Variants in L3MBTL4 observed in about 807,000 individuals in gnomAD.
The protein encoded by L3MBTL4 is lethal(3)malignant brain tumor-like protein 4.
In L3MBTL4, 70 loss-of-function variants were observed where a neutral mutation model predicts 84.5. The observed-to-expected ratio is 0.83, with a 90% CI of 0.68 to 1.01. The LOEUF (loss-of-function observed/expected upper bound fraction) is 1.01. L3MBTL4 is among the 50% of genes least tolerant of loss of function. The probability of loss-of-function intolerance (pLI) is 0.00; values close to 1 mark genes in which losing one functional copy is unlikely to be tolerated. For missense variants in L3MBTL4, 715 were observed against 754.8 expected (o/e 0.95, Z 0.62); for synonymous variants, 274 against 259.8 (o/e 1.05, Z -0.52).
chr18:6,169,808 C>A (rs952132690), intron 13 of L3MBTL4, among the ~76,000 whole-genome samples: 2 of 151,456 alleles, frequency 1.3e-5, no homozygotes, highest in African/African-American at 4.9e-5. Flanking sequence ...TGCACATCTA[C>A]CCTAAAACTT....
At chr18:6,386,754 A>C (rs1430002078) in intron 1 of L3MBTL4, among the ~76,000 whole-genome samples, 1 of 152,206 alleles carries the variant, frequency 6.6e-6, no homozygotes, top group Non-Finnish European at 1.5e-5. Flanking sequence ...AGCAGGGTGC[A>C]CAAAGGGGGA....
chr18:6,022,850 G>A (rs553090212), intron 16 of L3MBTL4, among the ~76,000 whole-genome samples: 9 of 152,322 alleles, frequency 5.9e-5, no homozygotes, highest in Non-Finnish European at 8.8e-5. Flanking sequence ...TGTGCCTTCT[G>A]TACAAAGGCA....
chr18:6,298,073 G>C (rs148257039), intron 4 of L3MBTL4, among the ~76,000 whole-genome samples: 1 of 152,264 alleles, frequency 6.6e-6, no homozygotes, highest in African/African-American at 2.4e-5. Context: ...TGAAGGAAAT[G>C]TTTACTCAGC....
In L3MBTL4 at chr18:6,163,261, G is replaced by GT. The variant is rs1568231021; in HGVS notation, c.1096+8566_1096+8567insA. ...GTTTGTCTACGGGTGTGTGTGTGTG[G>GT]GGGGGGGGTGGGTGTGTGTGTGTGT... On this transcript the variant is annotated intron_variant, in intron 13 of 18. Transcript: ENST00000317931. 2.8e-3 allele frequency among the ~76,000 whole-genome samples: 236 copies of GT among 82,994 alleles called. 2 individuals are homozygous for GT. The highest frequency in any genetic ancestry group is 0.01 in the African/African-American group (230 of 22,702). 54.4% of individuals were successfully genotyped at this position (82,994 alleles called of 152,430 possible). A position where few individuals can be genotyped will look rare whatever the true frequency, so the allele number is the denominator to read the frequency against.
intron 12 of L3MBTL4, 81 bp from the exon 13 acceptor site, chr18:6,172,023 G>A: frequency 3.2e-6 from 2 of 630,460 alleles, no homozygotes; most frequent in Middle Eastern, 2.9e-4. Flanking sequence ...GAATACAGAT[G>A]TCTGAAGCTG....
chr18:5,972,892 GAGAATAGAATAGAATAGAAT>G (rs5822882), intron 16 of L3MBTL4, among the ~76,000 whole-genome samples: 4,359 of 131,868 alleles, frequency 0.033, 163 homozygotes, highest in African/African-American at 0.062. Context: ...TAGAACAGAA[GAGAATAGAATAGAATAGAAT>G]AGAATAGAAT....
intron 1 of L3MBTL4, among the ~76,000 whole-genome samples, chr18:6,327,699 A>C (rs2051801572): frequency 6.6e-6 from 1 of 152,218 alleles, no homozygotes; most frequent in Admixed American, 6.5e-5. Context: ...CTTCTTTCAA[A>C]AAGCAGAAGC....
At chr18:6,027,411 C>G (rs565806194) in intron 16 of L3MBTL4, among the ~76,000 whole-genome samples, 2 of 152,282 alleles carry the variant, frequency 1.3e-5, no homozygotes, top group Middle Eastern at 3.4e-3. Flanking sequence ...CCATATGTGC[C>G]ACATTTTCTT....
Position 6,307,297 on chromosome 18 carries a change from C to T in L3MBTL4, c.72+4257G>A, listed in dbSNP as rs1021725093. 3.3e-5 allele frequency among the ~76,000 whole-genome samples: 5 copies of T among 151,186 alleles called. No homozygotes were observed. In the East Asian group the frequency reaches 5.8e-4, roughly 18 times the overall value. On this transcript the variant is annotated intron_variant, in intron 3 of 18. Coordinates refer to ENST00000317931, the MANE Select transcript of L3MBTL4 (RefSeq NM_001330559.2). ...AATACAAAAAAAAAAATGAGCTGAA[C>T]GTGGTGGTGCGCACCTGTAGTCCCA...
chr18:6,310,379 T>A (rs1279959565), intron 3 of L3MBTL4, among the ~76,000 whole-genome samples: 1 of 152,218 alleles, frequency 6.6e-6, no homozygotes, highest in Non-Finnish European at 1.5e-5. Context: ...CCAATGTTAA[T>A]CACCCCATTG....
intron 16 of L3MBTL4, among the ~76,000 whole-genome samples, chr18:5,996,093 C>T (rs1212469397): frequency 6.6e-6 from 1 of 152,188 alleles, no homozygotes; most frequent in Non-Finnish European, 1.5e-5. Flanking sequence ...AGACATCATT[C>T]TATTTATAGC....
In L3MBTL4 at chr18:6,180,327, C is replaced by T. The variant is rs541548293; in HGVS notation, c.982-8385G>A. Among the ~76,000 whole-genome samples the T allele has an allele frequency of 9.9e-5, 15 of 151,960 alleles. No individual in the cohort carries two copies. The East Asian group carries it at 2.3e-3, about 24-fold the overall frequency. The stretch of plus-strand genomic sequence containing the variant: ...ACTGAGACAGGGATTATGAAATATG[C>T]CCCCAATTTCCAGATGACTGTGACT... On this transcript the variant is annotated intron_variant, in intron 12 of 18. Coordinates refer to ENST00000317931, the MANE Select transcript of L3MBTL4 (RefSeq NM_001330559.2).
At chr18:6,005,570 A>G (rs1191206656) in intron 16 of L3MBTL4, among the ~76,000 whole-genome samples, 1 of 152,140 alleles carries the variant, frequency 6.6e-6, no homozygotes, top group East Asian at 1.9e-4. Context: ...GCTCCCACTA[A>G]TAAGTGAGAA....
chr18:6,317,458 A>C (rs1304281387), intron 1 of L3MBTL4, among the ~76,000 whole-genome samples: 1 of 152,168 alleles, frequency 6.6e-6, no homozygotes, highest in East Asian at 1.9e-4. Flanking sequence ...GAGTTTAAAA[A>C]TGCATGGGAA....
chr18:6,231,436 T>C (rs1028712098), intron 10 of L3MBTL4, among the ~76,000 whole-genome samples: 5 of 152,186 alleles, frequency 3.3e-5, no homozygotes, highest in Admixed American at 1.3e-4. Flanking sequence ...CATTGGTCTA[T>C]GTGTCTGTTT....
chr18:6,056,067 C>G (rs1310019215), intron 16 of L3MBTL4, among the ~76,000 whole-genome samples: 1 of 151,952 alleles, frequency 6.6e-6, no homozygotes, highest in African/African-American at 2.4e-5. Context: ...TGTTTTAAAG[C>G]ATGGATTTGG....
intron 1 of L3MBTL4, among the ~76,000 whole-genome samples, chr18:6,376,737 C>CA (rs2054386552): frequency 6.6e-6 from 1 of 152,038 alleles, no homozygotes. Flanking sequence ...GACCTTGTCT[C>CA]AAAAAACAAA....
intron 1 of L3MBTL4, among the ~76,000 whole-genome samples, chr18:6,411,724 C>A (rs1400365942): frequency 1.3e-5 from 2 of 152,064 alleles, no homozygotes; most frequent in Non-Finnish European, 2.9e-5. Flanking sequence ...CTAACACATG[C>A]TTTTTAGGAT....
chr18:5,975,053 C>T (rs917494227), intron 16 of L3MBTL4, among the ~76,000 whole-genome samples: 1 of 151,902 alleles, frequency 6.6e-6, no homozygotes, highest in Admixed American at 6.6e-5. Flanking sequence ...AATGGTAGGT[C>T]CCTGATTTCT....
Sources: gnomAD v4.1 joint callset for allele counts (sites outside exome capture counted in the v4.1 genomes callset) on GRCh38, gnomAD v4.1.1 for gene constraint, MANE v1.5 for transcripts, NCBI Gene and HGNC (gene_info 2026-07-23, HGNC 2026-07-21) for gene names.